The following GLCCI1 variants were observed in gnomAD, a reference collection of about 807,000 sequenced individuals.
GLCCI1 encodes the protein glucocorticoid induced 1.
GLCCI1 carries 24 observed loss-of-function variants against 52.2 expected under a neutral mutation model. The observed-to-expected ratio is 0.46, with a 90% confidence interval of 0.33 to 0.65. The LOEUF (loss-of-function observed/expected upper bound fraction) is 0.65, where lower values mean the gene tolerates loss of function less well. GLCCI1 is among the 30% of genes least tolerant of loss of function. The probability of loss-of-function intolerance (pLI) is 0.02; values close to 1 mark genes in which losing one functional copy is unlikely to be tolerated. For synonymous variants in GLCCI1, 310 were observed against 276.5 expected, an observed-to-expected ratio of 1.12 and a Z score of -1.20; for missense variants, 704 against 701.5, an observed-to-expected ratio of 1.00 and a Z score of -0.04.
At chr7:8,020,922 C>T (rs1362665813) in intron 2 of GLCCI1, among the ~76,000 whole-genome samples, 1 of 151,964 alleles carries the variant, frequency 6.6e-6, no homozygotes, top group Non-Finnish European at 1.5e-5. Flanking sequence ...TTATCTAGGA[C>T]GGAACATAGG....
At chr7:8,008,583 C>T (rs1781202424) in intron 2 of GLCCI1, among the ~76,000 whole-genome samples, 1 of 152,166 alleles carries the variant, frequency 6.6e-6, no homozygotes, top group Non-Finnish European at 1.5e-5. Context: ...GCATGAGCCA[C>T]CATGCCTGGC....
chr7:7,985,920 A>G (rs970440677), intron 1 of GLCCI1, among the ~76,000 whole-genome samples: 3 of 152,220 alleles, frequency 2.0e-5, no homozygotes, highest in African/African-American at 7.2e-5. Context: ...CAAGCATTGA[A>G]AAGTATAATT....
At chr7:7,981,073 G>T in intron 1 of GLCCI1, 1 of 473,974 alleles carries the variant, frequency 2.1e-6, no homozygotes, top group Non-Finnish European at 4.1e-6. Flanking sequence ...TTTAGAGATG[G>T]TGGGAGACCT....
chr7:8,048,897 G>A (rs1290144351), intron 3 of GLCCI1, among the ~76,000 whole-genome samples: 3 of 152,160 alleles, frequency 2.0e-5, no homozygotes, highest in Non-Finnish European at 4.4e-5. Context: ...GTAATCCACT[G>A]CTTTTACAAT....
chr7:8,031,104 A>G (rs1781737917), intron 3 of GLCCI1, among the ~76,000 whole-genome samples: 2 of 152,210 alleles, frequency 1.3e-5, no homozygotes, highest in South Asian at 2.1e-4. Context: ...TTGTTGCAGC[A>G]GTGTTCACAA....
chr7:7,973,640 G>T (rs1047671869), intron 1 of GLCCI1, among the ~76,000 whole-genome samples: 1 of 151,946 alleles, frequency 6.6e-6, no homozygotes, highest in African/African-American at 2.4e-5. Flanking sequence ...AACATATCAG[G>T]TTTATTTAGG....
At chr7:8,018,793 A>G (rs1781426463) in intron 2 of GLCCI1, among the ~76,000 whole-genome samples, 1 of 152,094 alleles carries the variant, frequency 6.6e-6, no homozygotes, top group Admixed American at 6.5e-5. Context: ...AAATGATGGT[A>G]TGATATTACA....
chr7:8,071,919 T>C (rs966471429), intron 6 of GLCCI1, among the ~76,000 whole-genome samples: 4 of 152,226 alleles, frequency 2.6e-5, no homozygotes, highest in African/African-American at 9.6e-5. Flanking sequence ...TTAGACAGTT[T>C]ATAAAATCTT....
intron 3 of GLCCI1, among the ~76,000 whole-genome samples, chr7:8,054,656 A>G (rs562391605): frequency 2.0e-5 from 3 of 152,142 alleles, no homozygotes; most frequent in African/African-American, 7.2e-5. Context: ...CTCATTGTAG[A>G]TGTTCAGGGA....
At chr7:7,998,167 G>T (rs575705261) in intron 1 of GLCCI1, among the ~76,000 whole-genome samples, 3 of 72,954 alleles carry the variant, frequency 4.1e-5, no homozygotes, top group South Asian at 3.6e-4. Flanking sequence ...TGAGGAGGTA[G>T]TTTTTTTTGT....
intron 3 of GLCCI1, among the ~76,000 whole-genome samples, chr7:8,041,015 G>C: frequency 6.6e-6 from 1 of 152,102 alleles, no homozygotes; most frequent in East Asian, 1.9e-4. Flanking sequence ...AGCTTAGTGA[G>C]GAAGGCAAGT....
chr7:8,008,239 G>C (rs751952750), intron 2 of GLCCI1, among the ~76,000 whole-genome samples: 4 of 151,338 alleles, frequency 2.6e-5, no homozygotes, highest in Non-Finnish European at 5.9e-5. Flanking sequence ...CCTAGCCTCT[G>C]ATAACCACTA....
intron 3 of GLCCI1, among the ~76,000 whole-genome samples, chr7:8,053,005 A>AT (rs1782293338): frequency 6.8e-6 from 1 of 147,116 alleles, no homozygotes; most frequent in African/African-American, 2.5e-5. Context: ...TTGGTTTTGT[A>AT]TTATTTATTT....
Position 7,969,818 on chromosome 7 carries a change from C to T in GLCCI1, c.457+11C>T. On this transcript the variant is annotated intron_variant, in intron 1 of 7. Coordinates refer to ENST00000223145, the MANE Select transcript of GLCCI1 (RefSeq NM_138426.4). This position sits in a 1 kb window ranked among gnomAD's most constrained non-coding sequence, Gnocchi z 4.9. ...CGCCCGTGTGCAGAGGTAGCGAGCC[C>T]AACCCTCCCGTCCTCCCGGGCTGCG... 1.4e-6 allele frequency: 2 copies of T among 1,445,496 alleles called. No homozygotes were observed. The highest frequency in any genetic ancestry group is 9.1e-7 in the Non-Finnish European group (1 of 1,098,528). 89.5% of individuals were successfully genotyped at this position (1,445,496 alleles called of 1,614,324 possible). A position where few individuals can be genotyped will look rare whatever the true frequency, so the allele number is the denominator to read the frequency against.
At chr7:7,986,154 C>T (rs1780724463) in intron 1 of GLCCI1, among the ~76,000 whole-genome samples, 1 of 152,150 alleles carries the variant, frequency 6.6e-6, no homozygotes, top group Non-Finnish European at 1.5e-5. Context: ...CTCTTTTTCA[C>T]AAAATAGAAT....
intron 5 of GLCCI1, chr7:8,070,002 C>G (rs1485069680): frequency 6.6e-6 from 1 of 152,250 alleles, no homozygotes. Context: ...GTTAACCTCA[C>G]TTTGTTAGCA....
At chr7:8,042,018 A>G (rs989193052) in intron 3 of GLCCI1, among the ~76,000 whole-genome samples, 17 of 152,220 alleles carry the variant, frequency 1.1e-4, no homozygotes, top group Admixed American at 1.1e-3. Context: ...GATATAGCAC[A>G]TCTATTTACA....
At position 8,085,632 on chromosome 7, in the gene GLCCI1, C is replaced by G. The variant is rs540855213; in HGVS notation, c.1299-561C>G. On this transcript the variant is annotated intron_variant, in intron 7 of 7. Coordinates refer to ENST00000223145, the MANE Select transcript of GLCCI1 (RefSeq NM_138426.4). ...AGTGCTCTTGCAACATAGAAGGACC[C>G]ATCTTGCAGGAGCTGATGGCTTAGC... Among the ~76,000 whole-genome samples, 6 of 152,138 alleles carry G rather than the reference C, an allele frequency of 3.9e-5. No homozygotes were observed. In the South Asian group the frequency reaches 1.3e-3, roughly 32 times the overall value.
At chr7:8,013,211 C>G (rs1212286067) in intron 2 of GLCCI1, among the ~76,000 whole-genome samples, 1 of 152,128 alleles carries the variant, frequency 6.6e-6, no homozygotes, top group African/African-American at 2.4e-5. Context: ...ACTATATTTT[C>G]TTTTAATAGT....
Sources: gnomAD v4.1 joint callset for allele counts (sites outside exome capture counted in the v4.1 genomes callset) on GRCh38, gnomAD v4.1.1 for gene constraint, Gnocchi (gnomAD v3.1) non-coding constraint, MANE v1.5 for transcripts, NCBI Gene and HGNC (gene_info 2026-07-23, HGNC 2026-07-21) for gene names.